CPQ: variants seen among roughly 807,000 people sequenced by gnomAD.
CPQ encodes carboxypeptidase Q.
CPQ carries 37 observed loss-of-function variants against 45.7 expected under a neutral mutation model. The observed-to-expected ratio is 0.81, with a 90% CI of 0.62 to 1.07. The LOEUF is 1.07. CPQ is among the 50% of genes least tolerant of loss of function. The pLI, the probability that CPQ is intolerant of heterozygous loss-of-function variation, is 0.00. For synonymous variants in CPQ, 186 were observed against 205.8 expected (o/e 0.90, Z 0.82); for missense variants, 537 against 572.9 (o/e 0.94, Z 0.64).
intron 7 of CPQ, among the ~76,000 whole-genome samples, chr8:97,088,938 C>T (rs1487910508): frequency 1.3e-5 from 2 of 151,998 alleles, no homozygotes; most frequent in African/African-American, 4.8e-5. Context: ...TACAGGTGAC[C>T]CTTCTATTTT....
At chr8:96,954,195 A>G (rs1379422034) in intron 4 of CPQ, among the ~76,000 whole-genome samples, 1 of 152,122 alleles carries the variant, frequency 6.6e-6, no homozygotes, top group Admixed American at 6.6e-5. Flanking sequence ...TTTAAAATAC[A>G]TGTTTTTGTT....
At chr8:96,645,838 C>T (rs1407917229) in intron 1 of CPQ, among the ~76,000 whole-genome samples, 1 of 151,230 alleles carries the variant, frequency 6.6e-6, no homozygotes, top group African/African-American at 2.4e-5. Flanking sequence ...GGGTTCCTTT[C>T]GCATTTTACC....
chr8:96,924,000 G>A (rs1194279529), intron 4 of CPQ, among the ~76,000 whole-genome samples: 1 of 152,120 alleles, frequency 6.6e-6, no homozygotes, highest in Non-Finnish European at 1.5e-5. Flanking sequence ...GTTATCTTGG[G>A]GGCATTAAAT....
At chr8:96,896,950 G>A (rs532111671) in intron 4 of CPQ, among the ~76,000 whole-genome samples, 11 of 152,122 alleles carry the variant, frequency 7.2e-5, no homozygotes, top group African/African-American at 2.4e-4. Context: ...CCCTCAATGT[G>A]GTTTCCATAT....
intron 6 of CPQ, among the ~76,000 whole-genome samples, chr8:97,053,066 C>T (rs908726923): frequency 9.2e-5 from 14 of 152,292 alleles, no homozygotes; most frequent in Admixed American, 3.9e-4. Context: ...TCAACATAAT[C>T]ATTATCTTCA....
intron 1 of CPQ, among the ~76,000 whole-genome samples, chr8:96,699,153 A>G (rs2130744000): frequency 6.6e-6 from 1 of 152,338 alleles, no homozygotes; most frequent in East Asian, 1.9e-4. Context: ...ATTCAACCAC[A>G]AAAAGAATGA....
intron 3 of CPQ, among the ~76,000 whole-genome samples, chr8:96,844,108 C>T (rs1811653338): frequency 6.6e-6 from 1 of 152,170 alleles, no homozygotes; most frequent in African/African-American, 2.4e-5. Context: ...TTCTGAATCT[C>T]TAGTGGCAAA....
At position 96,920,381 on chromosome 8, in the gene CPQ, G is replaced by T. The variant is rs111931667; in HGVS notation, c.849+40376G>T. 4.6e-3 allele frequency among the ~76,000 whole-genome samples: 701 copies of T among 152,228 alleles called. 10 individuals carry two copies. The highest frequency in any genetic ancestry group is 0.016 in the African/African-American group (652 of 41,530). Reference sequence around the variant, plus strand: ...TCCATTTAGCTGTTAATGTTGCGAGGCCATTGGCGGAAATAAATATGTTAT... The same window carrying T: ...TCCATTTAGCTGTTAATGTTGCGAGTCCATTGGCGGAAATAAATATGTTAT... On this transcript the variant is annotated intron_variant, in intron 4 of 7. Transcript: ENST00000220763.
chr8:97,085,756 G>A (rs541348981), intron 7 of CPQ, among the ~76,000 whole-genome samples: 2 of 152,290 alleles, frequency 1.3e-5, no homozygotes, highest in South Asian at 4.1e-4. Flanking sequence ...GAGCCACCTA[G>A]AGGAGTTGTT....
At chr8:96,747,421 C>G (rs1442971296) in intron 1 of CPQ, among the ~76,000 whole-genome samples, 1 of 151,974 alleles carries the variant, frequency 6.6e-6, no homozygotes, top group Non-Finnish European at 1.5e-5. Context: ...AAAGGCCTAC[C>G]ATTGAGGTGA....
intron 1 of CPQ, among the ~76,000 whole-genome samples, chr8:96,656,608 C>T (rs1291445863): frequency 2.0e-5 from 3 of 152,124 alleles, no homozygotes; most frequent in Non-Finnish European, 4.4e-5. Context: ...TGGATTTCTG[C>T]GTCAGGCAAT....
At chr8:97,099,920 A>C (rs567130752) in intron 7 of CPQ, among the ~76,000 whole-genome samples, 2 of 152,358 alleles carry the variant, frequency 1.3e-5, no homozygotes, top group East Asian at 3.9e-4. Flanking sequence ...GTGAGCGGCT[A>C]TCTCAAGTGT....
chr8:96,689,940 C>T (rs903965162), intron 1 of CPQ, among the ~76,000 whole-genome samples: 2 of 152,028 alleles, frequency 1.3e-5, no homozygotes, highest in Non-Finnish European at 2.9e-5. Context: ...ATAATTCTTA[C>T]TTTGTTTTCA....
At chr8:97,060,285 C>T (rs1251584134) in intron 6 of CPQ, among the ~76,000 whole-genome samples, 1 of 152,080 alleles carries the variant, frequency 6.6e-6, no homozygotes, top group African/African-American at 2.4e-5. Flanking sequence ...GCGTTGCACC[C>T]AAAGAATGCT....
intron 2 of CPQ, among the ~76,000 whole-genome samples, chr8:96,796,483 T>C (rs1225574762): frequency 2.6e-5 from 4 of 152,178 alleles, no homozygotes; most frequent in African/African-American, 4.8e-5. Flanking sequence ...TATCACCTTC[T>C]TTTTCATTTT....
intron 1 of CPQ, among the ~76,000 whole-genome samples, chr8:96,680,980 A>G (rs1382654027): frequency 1.1e-4 from 17 of 152,190 alleles, no homozygotes; most frequent in Admixed American, 1.1e-3. Context: ...TAGGGTATCT[A>G]GTAGAAGAAA....
chr8:96,996,990 A>G lies in CPQ; in HGVS notation c.961+30944A>G, dbSNP rs919605183. ...TCCCAGGTCTCCCATCACTCCCTCC[A>G]GTCTTGCTAGGGCATGAAAGAATCA... is the stretch of plus-strand genomic sequence containing the variant. On this transcript the variant is annotated intron_variant, in intron 5 of 7. Transcript: ENST00000220763. Among the ~76,000 whole-genome samples the G allele has an allele frequency of 1.3e-5, 2 of 152,134 alleles. 1 individual carries two copies.
At chr8:96,843,398 GAAA>G (rs990517140) in intron 3 of CPQ, among the ~76,000 whole-genome samples, 8 of 152,230 alleles carry the variant, frequency 5.3e-5, no homozygotes, top group African/African-American at 1.9e-4. Context: ...AGAAAGGAAA[GAAA>G]GAAGAAGGAA....
At chr8:96,797,210 A>G (rs1268194440) in intron 2 of CPQ, among the ~76,000 whole-genome samples, 1 of 152,078 alleles carries the variant, frequency 6.6e-6, no homozygotes, top group Non-Finnish European at 1.5e-5. Context: ...TTCAAGTGCA[A>G]AAAATTGGTG....
Sources: gnomAD v4.1 joint callset for allele counts (sites outside exome capture counted in the v4.1 genomes callset) on GRCh38, gnomAD v4.1.1 for gene constraint, MANE v1.5 for transcripts, NCBI Gene and HGNC (gene_info 2026-07-23, HGNC 2026-07-21) for gene names.